The following CCDC171 variants were observed in gnomAD, a reference collection of about 807,000 sequenced individuals.
The protein encoded by CCDC171 is coiled-coil domain-containing protein 171.
CCDC171 carries 177 observed loss-of-function variants against 168.2 expected under a neutral mutation model. That is an observed-to-expected ratio of 1.05 (90% CI 0.93 to 1.19). The LOEUF is 1.19. Ranked by LOEUF, CCDC171 falls within the 50% of genes most tolerant of loss-of-function variation. CCDC171 has a pLI of 0.00. For missense variants in CCDC171, 1,991 were observed against 1,539.0 expected (o/e 1.29, Z -4.91); for synonymous variants, 687 against 540.8 (o/e 1.27, Z -3.75).
chr9:15,626,650 C>G (rs1332610413), intron 7 of CCDC171, among the ~76,000 whole-genome samples: 2 of 152,162 alleles, frequency 1.3e-5, no homozygotes, highest in Non-Finnish European at 2.9e-5. Flanking sequence ...AGCTTTGCAT[C>G]CCAGGGATGA....
chr9:15,788,411 T>A (rs1000028710), intron 21 of CCDC171, among the ~76,000 whole-genome samples: 1 of 152,194 alleles, frequency 6.6e-6, no homozygotes, highest in African/African-American at 2.4e-5. Flanking sequence ...TTTTTAAATA[T>A]GTCCTGTGCA....
chr9:15,640,391 T>TA (rs898724489), intron 7 of CCDC171, among the ~76,000 whole-genome samples: 14 of 151,006 alleles, frequency 9.3e-5, no homozygotes, highest in African/African-American at 2.4e-4. Flanking sequence ...GAGAGCTACT[T>TA]AAAAAAAAAC....
intron 8 of CCDC171, among the ~76,000 whole-genome samples, chr9:15,659,818 T>A (rs2048187686): frequency 6.6e-6 from 1 of 152,184 alleles, no homozygotes; most frequent in Non-Finnish European, 1.5e-5. Flanking sequence ...CTAAAAAAGT[T>A]ATTGCCTTGA....
At chr9:15,640,603 AGT>A (rs1314751934) in intron 7 of CCDC171, among the ~76,000 whole-genome samples, 7 of 152,252 alleles carry the variant, frequency 4.6e-5, no homozygotes, top group Admixed American at 3.9e-4. Flanking sequence ...GTCATGTAGA[AGT>A]GACATTAGAA....
At chr9:15,595,786 C>T (rs2042302357) in intron 6 of CCDC171, among the ~76,000 whole-genome samples, 1 of 152,160 alleles carries the variant, frequency 6.6e-6, no homozygotes, top group Admixed American at 6.6e-5. Flanking sequence ...GTTCCTATTT[C>T]TCCACATCCT....
intron 21 of CCDC171, among the ~76,000 whole-genome samples, chr9:15,791,544 G>A (rs1018315512): frequency 7.9e-5 from 12 of 152,306 alleles, no homozygotes; most frequent in African/African-American, 2.4e-4. Context: ...TCTGCAAACA[G>A]GGACAATTTG....
At chr9:16,031,989 C>A (rs915091883) in intron 6 of CCDC171, among the ~76,000 whole-genome samples, 1 of 152,226 alleles carries the variant, frequency 6.6e-6, no homozygotes, top group Non-Finnish European at 1.5e-5. Context: ...TGCTGCTCAA[C>A]TCACAAAATG....
intron 25 of CCDC171, among the ~76,000 whole-genome samples, chr9:15,959,627 A>G (rs1315315437): frequency 6.6e-6 from 1 of 152,152 alleles, no homozygotes; most frequent in Non-Finnish European, 1.5e-5. Context: ...CTGCATTTCA[A>G]ACAAGTCTAG....
At chr9:16,069,267 ATG>A in the CCDC171 span, among the ~76,000 whole-genome samples, 1 of 152,232 alleles carries the variant, frequency 6.6e-6, no homozygotes, top group Non-Finnish European at 1.5e-5. Flanking sequence ...GTGTGCAGAT[ATG>A]TGTGTGTGTT....
chr9:15,820,865 G>A lies in CCDC171; in HGVS notation c.3268-25837G>A, dbSNP rs1325728414. Among the ~76,000 whole-genome samples, 16 of 116,056 alleles carry A rather than the reference G, an allele frequency of 1.4e-4. 3 individuals are homozygous for A. Among genetic ancestry groups the A allele is most frequent in the African/African-American group, 5.2e-4 (16 of 30,826 alleles). 76.1% of individuals were successfully genotyped at this position (116,056 alleles called of 152,430 possible). A position where few individuals can be genotyped will look rare whatever the true frequency, so the allele number is the denominator to read the frequency against. On this transcript the variant is annotated intron_variant, in intron 21 of 25. Transcript: ENST00000380701. ...GCCAGCATCATCCTGATACCAAAGC[G>A]TGGCAGAGACACAACAAAAAAAGAG...
intron 7 of CCDC171, among the ~76,000 whole-genome samples, chr9:15,624,693 T>A (rs901195498): frequency 3.9e-5 from 6 of 152,192 alleles, no homozygotes; most frequent in African/African-American, 1.4e-4. Flanking sequence ...GTGCCACATT[T>A]TCTTAATCCA....
chr9:15,786,872 A>G (rs1233245891), intron 21 of CCDC171, among the ~76,000 whole-genome samples: 2 of 152,102 alleles, frequency 1.3e-5, no homozygotes, highest in Non-Finnish European at 2.9e-5. Flanking sequence ...CCTGCCGACA[A>G]CAGATAACCA....
chr9:15,815,488 C>G (rs1361591717), intron 21 of CCDC171, among the ~76,000 whole-genome samples: 1 of 103,084 alleles, frequency 9.7e-6, no homozygotes, highest in Non-Finnish European at 2.1e-5. Context: ...TATACTAATT[C>G]TGGCAGAGGG....
At chr9:15,771,953 C>T (rs1320126718) in intron 18 of CCDC171, among the ~76,000 whole-genome samples, 1 of 152,090 alleles carries the variant, frequency 6.6e-6, no homozygotes, top group African/African-American at 2.4e-5. Flanking sequence ...GTGCCTCAGC[C>T]TCCGGAGTAG....
chr9:15,761,808 C>G (rs1314193495), intron 18 of CCDC171, among the ~76,000 whole-genome samples: 3 of 152,004 alleles, frequency 2.0e-5, no homozygotes, highest in Non-Finnish European at 2.9e-5. Context: ...TTTGTGATTT[C>G]TTATATTATC....
intron 6 of CCDC171, among the ~76,000 whole-genome samples, chr9:15,612,311 A>G (rs1041289286): frequency 1.4e-4 from 22 of 152,192 alleles, no homozygotes; most frequent in South Asian, 1.0e-3. Context: ...CTAAGTCATT[A>G]TCACTTGTCA....
upstream of CCDC171, among the ~76,000 whole-genome samples, chr9:16,041,887 A>G (rs1176765604): frequency 6.6e-6 from 1 of 152,218 alleles, no homozygotes; most frequent in East Asian, 1.9e-4. Context: ...ATTCAGATCC[A>G]GAAACACCAT....
At chr9:15,825,862 C>T (rs2059990489) in intron 21 of CCDC171, among the ~76,000 whole-genome samples, 1 of 152,060 alleles carries the variant, frequency 6.6e-6, no homozygotes, top group East Asian at 1.9e-4. Context: ...AGAGGGGCAC[C>T]AAAATGTGGT....
chr9:15,912,564 GC>G (rs775047112), intron 24 of CCDC171, among the ~76,000 whole-genome samples: 1 of 152,104 alleles, frequency 6.6e-6, no homozygotes, highest in East Asian at 1.9e-4. Context: ...GATTGCCTTG[GC>G]CACAATTTCC....
Sources: gnomAD v4.1 joint callset for allele counts (sites outside exome capture counted in the v4.1 genomes callset) on GRCh38, gnomAD v4.1.1 for gene constraint, MANE v1.5 for transcripts, NCBI Gene and HGNC (gene_info 2026-07-23, HGNC 2026-07-21) for gene names.